CES5A: variants seen among roughly 807,000 people sequenced by gnomAD.
CES5A encodes carboxylesterase 5.
CES5A carries 67 observed loss-of-function variants against 62.9 expected under a neutral mutation model. The ratio of observed to expected loss-of-function variants is 1.07; its 90% CI spans 0.88 to 1.31. The LOEUF (loss-of-function observed/expected upper bound fraction) is 1.31, where lower values mean the gene tolerates loss of function less well. Among genes scored for constraint, CES5A ranks in the 50% most tolerant of loss-of-function variants. CES5A has a pLI of 0.00. For synonymous variants in CES5A, 296 were observed against 280.8 expected, an observed-to-expected ratio of 1.05 and a Z score of -0.54; for missense variants, 748 against 708.5, an observed-to-expected ratio of 1.06 and a Z score of -0.63.
At chr16:55,873,052 G>A (rs1384954984) in intron 2 of CES5A, among the ~76,000 whole-genome samples, 2 of 152,282 alleles carry the variant, frequency 1.3e-5, no homozygotes, top group East Asian at 3.9e-4. Context: ...CTGTGGCTTA[G>A]GGAATATCCT....
intron 8 of CES5A, among the ~76,000 whole-genome samples, chr16:55,857,692 C>G (rs2033270577): frequency 6.6e-6 from 1 of 152,224 alleles, no homozygotes; most frequent in Non-Finnish European, 1.5e-5. Context: ...AGCACCCACA[C>G]AGGCTTTTGA....
At chr16:55,865,195 A>G (rs1280521971) in intron 5 of CES5A, among the ~76,000 whole-genome samples, 1 of 152,226 alleles carries the variant, frequency 6.6e-6, no homozygotes, top group Non-Finnish European at 1.5e-5. Context: ...AACAAAAGCG[A>G]AACTCCATCT....
At chr16:55,915,297 G>A (rs1403239798) in intron 1 of CES5A, among the ~76,000 whole-genome samples, 1 of 152,158 alleles carries the variant, frequency 6.6e-6, no homozygotes, top group Non-Finnish European at 1.5e-5. Flanking sequence ...AGGCACACCC[G>A]CTGAATGACA....
chr16:55,875,745 G>T (rs888003214), upstream of CES5A, among the ~76,000 whole-genome samples: 2 of 152,160 alleles, frequency 1.3e-5, no homozygotes, highest in African/African-American at 4.8e-5. Flanking sequence ...ATGGCCATTT[G>T]GTCTACAGCC....
intron 10 of CES5A, among the ~76,000 whole-genome samples, chr16:55,852,551 A>G (rs1344102927): frequency 1.3e-5 from 2 of 152,236 alleles, no homozygotes; most frequent in Non-Finnish European, 2.9e-5. Context: ...TTGTTCCATT[A>G]CTACGTATGG....
intron 10 of CES5A, among the ~76,000 whole-genome samples, chr16:55,852,086 T>A (rs2033144645): frequency 6.6e-6 from 1 of 152,148 alleles, no homozygotes; most frequent in Admixed American, 6.5e-5. Flanking sequence ...AGGTACTGAT[T>A]TTCAGTTTGG....
chr16:55,879,099 AC>A (rs1238016789), upstream of CES5A, among the ~76,000 whole-genome samples: 1 of 118,224 alleles, frequency 8.5e-6, no homozygotes. Context: ...CCATCGCTGT[AC>A]CCTACCACTG....
In CES5A at chr16:55,866,109, C is replaced by T; in HGVS notation, c.559G>A (p.Asp187Asn). 1 of 1,612,274 alleles carries T rather than the reference C, an allele frequency of 6.2e-7. No homozygotes were observed. The highest frequency in any genetic ancestry group is 2.2e-5 in the East Asian group (1 of 44,814). ...GCCCAGTTCCCCGGAGCATGCTGAT[C>T]CCATGTGCTGAGGACAAGAGGCAGG... is the stretch of plus-strand genomic sequence containing the variant. The part of the protein sequence containing the change: ...LGIFGFFTTW[D>N]QHAPGNWAFK... The change falls in exon 5 of 13, where the codon GAT becomes AAT. Residue 187 changes from aspartate to asparagine, a missense_variant. By Grantham distance (23) the Asp-to-Asn change is conservative (BLOSUM62 1). Transcript: ENST00000290567.
intron 1 of CES5A, among the ~76,000 whole-genome samples, chr16:55,909,445 C>A (rs528616401): frequency 5.3e-5 from 8 of 152,210 alleles, no homozygotes; most frequent in Non-Finnish European, 1.0e-4. Context: ...AGTTAGACAC[C>A]AAGGAGAACT....
At chr16:55,861,343 G>T in intron 7 of CES5A, 69 bp downstream of exon 7, 2 of 795,306 alleles carry the variant, frequency 2.5e-6, no homozygotes, top group East Asian at 2.5e-5. Context: ...AATAACAGAG[G>T]GGTAGGATTT....
intron 6 of CES5A, among the ~76,000 whole-genome samples, chr16:55,862,816 G>A (rs2033380031): frequency 6.6e-6 from 1 of 152,144 alleles, no homozygotes; most frequent in Non-Finnish European, 1.5e-5. Context: ...GTATTATGCT[G>A]GGGGCCTGAA....
At chr16:55,907,326 T>C (rs2034048895) in intron 1 of CES5A, among the ~76,000 whole-genome samples, 1 of 152,160 alleles carries the variant, frequency 6.6e-6, no homozygotes, top group Non-Finnish European at 1.5e-5. Context: ...AGGATCCAGC[T>C]CCTGCATCAT....
chr16:55,904,893 A>G (rs1158681636), intron 1 of CES5A, among the ~76,000 whole-genome samples: 1 of 152,162 alleles, frequency 6.6e-6, no homozygotes, highest in Non-Finnish European at 1.5e-5. Context: ...AGAAGACTGC[A>G]AGCAACACAG....
intron 1 of CES5A, among the ~76,000 whole-genome samples, chr16:55,902,331 C>T (rs2033998305): frequency 6.6e-6 from 1 of 152,096 alleles, no homozygotes; most frequent in African/African-American, 2.4e-5. Flanking sequence ...GATGGCCATC[C>T]CCACTCTCCC....
chr16:55,875,150 T>C lies in CES5A; in HGVS notation c.72A>G (p.Lys24=), dbSNP rs1234750958. The C allele has an allele frequency of 1.2e-6, 2 of 1,613,960 alleles. No individual in the cohort carries two copies. The highest frequency in any genetic ancestry group is 2.7e-5 in the African/African-American group (2 of 74,928). Residue 24 remains lysine (K), a splice_region_variant and synonymous_variant, in exon 1 of 13, where the codon AAA becomes AAG. Coordinates refer to ENST00000290567, the MANE Select transcript of CES5A (RefSeq NM_001143685.2). The part of the protein sequence containing the change: ...WAIWVLAAPT[K]GPSAEGPQRN... ...CTCCTTTCCCATTGGATATCTCACC[T>C]TTGGTGGGGGCTGCAAGGACCCAGA... is the stretch of plus-strand genomic sequence containing the variant.
intron 8 of CES5A, among the ~76,000 whole-genome samples, chr16:55,857,066 G>A (rs1260629339): frequency 2.0e-5 from 3 of 152,192 alleles, no homozygotes; most frequent in Admixed American, 6.5e-5. Context: ...TTCCAAACTG[G>A]TGTTTGTTGT....
intron 2 of CES5A, among the ~76,000 whole-genome samples, chr16:55,872,468 A>G (rs1228851086): frequency 6.6e-6 from 1 of 152,164 alleles, no homozygotes; most frequent in Non-Finnish European, 1.5e-5. Context: ...CATTATCATC[A>G]TCCCCAGCTC....
At chr16:55,937,459 G>A (rs1472229362) in intron 2 of CES5A, among the ~76,000 whole-genome samples, 1 of 152,168 alleles carries the variant, frequency 6.6e-6, no homozygotes, top group Non-Finnish European at 1.5e-5. Flanking sequence ...ACATTCCATT[G>A]CCCGCAGCAA....
intron 6 of CES5A, 87 bp downstream of exon 6, chr16:55,863,261 A>G (rs1390547992): frequency 1.3e-6 from 1 of 798,704 alleles, no homozygotes; most frequent in Non-Finnish European, 2.2e-6. Flanking sequence ...TCACTAAGGA[A>G]AGCCAAACAC....
Sources: allele counts gnomAD v4.1 joint callset (sites outside exome capture counted in the v4.1 genomes callset), GRCh38; gene constraint gnomAD v4.1.1; transcripts MANE v1.5; gene names NCBI Gene and HGNC (gene_info 2026-07-23, HGNC 2026-07-21).